Variants in SMYD3 observed in about 807,000 individuals in gnomAD.
SMYD3 encodes histone-lysine N-methyltransferase SMYD3.
Under a neutral mutation model 57.7 loss-of-function variants are expected in SMYD3, and 36 were observed. The observed-to-expected ratio is 0.62, with a 90% CI of 0.48 to 0.82. The LOEUF (loss-of-function observed/expected upper bound fraction) is 0.82. Among genes scored for constraint, SMYD3 ranks in the 40% least tolerant of loss-of-function variants. The probability of loss-of-function intolerance (pLI) is 0.00; values close to 1 mark genes in which losing one functional copy is unlikely to be tolerated. For missense variants in SMYD3, 515 were observed against 538.8 expected (o/e 0.96, Z 0.44); for synonymous variants, 211 against 195.0 (o/e 1.08, Z -0.68).
chr1:245,783,225 T>G (rs992379572), intron 10 of SMYD3, among the ~76,000 whole-genome samples: 1 of 150,408 alleles, frequency 6.6e-6, no homozygotes, highest in African/African-American at 2.5e-5. Context: ...CAGAAGTACA[T>G]TCTACAGTAT....
At chr1:246,083,466 C>T (rs1052563539) in intron 5 of SMYD3, among the ~76,000 whole-genome samples, 2 of 143,198 alleles carry the variant, frequency 1.4e-5, no homozygotes, top group Admixed American at 7.1e-5. Context: ...CAGAAATGCC[C>T]GATAATGATC....
chr1:246,459,708 G>C (rs1220566150), intron 1 of SMYD3, among the ~76,000 whole-genome samples: 1 of 152,042 alleles, frequency 6.6e-6, no homozygotes, highest in Admixed American at 6.6e-5. Flanking sequence ...GACTAATACA[G>C]GTATCTTATC....
intron 5 of SMYD3, among the ~76,000 whole-genome samples, chr1:245,948,042 C>A (rs535606360): frequency 1.1e-3 from 160 of 152,188 alleles, no homozygotes; most frequent in Non-Finnish European, 1.9e-3. Flanking sequence ...GCAAAAGAAC[C>A]CTGCCTAGCC....
intron 10 of SMYD3, among the ~76,000 whole-genome samples, chr1:245,820,234 G>C (rs1201194851): frequency 6.6e-6 from 1 of 150,580 alleles, no homozygotes; most frequent in South Asian, 2.1e-4. Context: ...TGCAAGGCTG[G>C]TTCAATATAC....
intron 5 of SMYD3, among the ~76,000 whole-genome samples, chr1:246,131,049 G>A (rs183817890): frequency 1.3e-3 from 195 of 152,204 alleles, no homozygotes; most frequent in African/African-American, 4.5e-3. Context: ...AACCTTCCTT[G>A]TGTGGCTTCC....
intron 8 of SMYD3, among the ~76,000 whole-genome samples, chr1:245,866,430 C>A (rs888739314): frequency 6.6e-6 from 1 of 151,918 alleles, no homozygotes; most frequent in African/African-American, 2.4e-5. Flanking sequence ...GATAAAATGC[C>A]CTTAAGAAGG....
chr1:246,481,433 TTC>T (rs149763470), intron 1 of SMYD3, among the ~76,000 whole-genome samples: 91 of 147,318 alleles, frequency 6.2e-4, no homozygotes, highest in East Asian at 6.0e-4. Context: ...AAAGGGTGAA[TTC>T]TCTCTCTCTC....
chr1:246,382,658 G>A (rs1221039170), intron 1 of SMYD3, among the ~76,000 whole-genome samples: 1 of 152,004 alleles, frequency 6.6e-6, no homozygotes, highest in East Asian at 1.9e-4. Flanking sequence ...CCTAGTGCCA[G>A]GTTGCCCCAC....
intron 1 of SMYD3, among the ~76,000 whole-genome samples, chr1:246,418,081 A>C (rs1425204426): frequency 6.6e-6 from 1 of 152,096 alleles, no homozygotes; most frequent in Non-Finnish European, 1.5e-5. Context: ...TCTGCACATT[A>C]ATACATTTAT....
chr1:246,329,498 A>T (rs368248974), intron 4 of SMYD3, among the ~76,000 whole-genome samples: 2 of 152,100 alleles, frequency 1.3e-5, no homozygotes, highest in East Asian at 3.8e-4. Context: ...TCTTTTGAGA[A>T]GTGTCTGTTC....
At chr1:246,402,714 A>AT (rs1259798433) in intron 1 of SMYD3, among the ~76,000 whole-genome samples, 2 of 152,210 alleles carry the variant, frequency 1.3e-5, no homozygotes, top group Non-Finnish European at 2.9e-5. Context: ...TCACAACTTT[A>AT]ATTAGAAGCT....
chr1:246,506,989 G>GCCCCCCCCACCCCC, intron 1 of SMYD3, 65 bp downstream of exon 1: 2 of 649,322 alleles, frequency 3.1e-6, no homozygotes, highest in Non-Finnish European at 4.2e-6. Flanking sequence ...GCCGCCCGAC[G>GCCCCCCCCACCCCC]CCCCCCCCTC....
In SMYD3 at chr1:245,764,090, A is replaced by G; in HGVS notation, c.1136T>C (p.Leu379Pro). Residue 379 changes from leucine to proline, a missense_variant, in exon 11 of 12, where the codon CTG (leucine) becomes CCG (proline). Physicochemically the swap from Leu to Pro is moderately conservative, Grantham distance 98. Transcript: ENST00000490107. The stretch of plus-strand genomic sequence containing the variant: ...GGGAAACATGCCTTGATGTAGCTGC[A>G]GTTTGCCAACTTTCATCACTTGAAC... ...RGVQVMKVGK[L>P]QLHQGMFPQA... is the part of the protein sequence containing the mutation. 6.2e-7 allele frequency: 1 copy of G among 1,614,166 alleles called. No homozygotes were observed. The highest frequency in any genetic ancestry group is 1.7e-5 in the Admixed American group (1 of 60,026).
At chr1:246,181,520 T>C (rs1452092594) in intron 5 of SMYD3, among the ~76,000 whole-genome samples, 3 of 152,350 alleles carry the variant, frequency 2.0e-5, no homozygotes, top group South Asian at 2.1e-4. Flanking sequence ...GAAAATACTA[T>C]AAATTCTATC....
At chr1:245,991,074 C>A (rs1434256396) in intron 5 of SMYD3, among the ~76,000 whole-genome samples, 1 of 152,202 alleles carries the variant, frequency 6.6e-6, no homozygotes, top group Non-Finnish European at 1.5e-5. Context: ...AATTCAGTAT[C>A]AAACATTCCT....
intron 2 of SMYD3, among the ~76,000 whole-genome samples, chr1:246,344,306 T>C (rs1376191830): frequency 1.3e-5 from 2 of 152,192 alleles, no homozygotes; most frequent in African/African-American, 4.8e-5. Flanking sequence ...GGCAACTCAG[T>C]GGTTTTGTCT....
At chr1:246,429,514 T>A (rs1228726874) in intron 1 of SMYD3, among the ~76,000 whole-genome samples, 5 of 152,082 alleles carry the variant, frequency 3.3e-5, no homozygotes, top group African/African-American at 1.2e-4. Flanking sequence ...TCAGCTGGAG[T>A]TGTAAAAATC....
intron 7 of SMYD3, among the ~76,000 whole-genome samples, chr1:245,920,260 A>T (rs111568815): frequency 2.8e-5 from 4 of 143,758 alleles, no homozygotes; most frequent in Non-Finnish European, 6.0e-5. Context: ...TTGCAGTGAG[A>T]CGAGATCATG....
chr1:246,119,968 G>C (rs1347491850), intron 5 of SMYD3, among the ~76,000 whole-genome samples: 2 of 152,152 alleles, frequency 1.3e-5, no homozygotes. Context: ...AGTGACCCAG[G>C]AGCCTTCAGA....
Sources: gnomAD v4.1 joint callset for allele counts (sites outside exome capture counted in the v4.1 genomes callset) on GRCh38, gnomAD v4.1.1 for gene constraint, MANE v1.5 for transcripts, NCBI Gene and HGNC (gene_info 2026-07-23, HGNC 2026-07-21) for gene names.